The following WWOX variants were observed in gnomAD, a reference collection of about 807,000 sequenced individuals.
WWOX encodes the protein WW domain containing oxidoreductase.
In WWOX, 69 loss-of-function variants were observed where a neutral mutation model predicts 46.2. That is an observed-to-expected ratio of 1.49 (90% confidence interval 1.23 to 1.82). The LOEUF is 1.82. WWOX is among the 40% of genes most tolerant of loss of function. The probability of loss-of-function intolerance (pLI) is 0.00; values close to 1 mark genes in which losing one functional copy is unlikely to be tolerated. For missense variants in WWOX, 919 were observed against 542.6 expected (o/e 1.69, Z -6.89); for synonymous variants, 359 against 202.6 (o/e 1.77, Z -6.56).
intron 8 of WWOX, among the ~76,000 whole-genome samples, chr16:78,999,302 C>G (rs2047049361): frequency 6.6e-6 from 1 of 152,128 alleles, no homozygotes; most frequent in Admixed American, 6.5e-5. Flanking sequence ...GAAACCCCGT[C>G]TCTACTAAAA....
Position 78,439,809 on chromosome 16 carries a change from T to C in WWOX, c.1056+7057T>C, listed in dbSNP as rs532762093. Among the ~76,000 whole-genome samples, 3 of 152,340 alleles carry C rather than the reference T, an allele frequency of 2.0e-5. No individual in the cohort carries two copies. The South Asian group carries it at 6.2e-4, about 32-fold the overall frequency. On this transcript the variant is annotated intron_variant, in intron 8 of 8. Transcript: ENST00000566780. Reference sequence around the variant, plus strand: ...GGCTACTATATGAGTAGCTCCTTTGTGATAATCTTTACTTTTCCCTCATGC... The same window carrying C: ...GGCTACTATATGAGTAGCTCCTTTGCGATAATCTTTACTTTTCCCTCATGC...
intron 8 of WWOX, among the ~76,000 whole-genome samples, chr16:78,830,118 A>G (rs1415317808): frequency 6.6e-6 from 1 of 151,964 alleles, no homozygotes; most frequent in Non-Finnish European, 1.5e-5. Context: ...AATTTACATG[A>G]AAAAAAATAA....
At chr16:78,813,533 G>T (rs1272950971) in intron 8 of WWOX, among the ~76,000 whole-genome samples, 1 of 152,144 alleles carries the variant, frequency 6.6e-6, no homozygotes, top group African/African-American at 2.4e-5. Context: ...TGATTCTGTG[G>T]TGGTCTGGCT....
At chr16:78,690,021 C>A (rs969883988) in intron 8 of WWOX, among the ~76,000 whole-genome samples, 1 of 151,958 alleles carries the variant, frequency 6.6e-6, no homozygotes, top group Non-Finnish European at 1.5e-5. Flanking sequence ...CCCCCATGCC[C>A]AGCCAATTTT....
At chr16:78,737,924 G>A (rs1042353851) in intron 8 of WWOX, among the ~76,000 whole-genome samples, 1 of 152,052 alleles carries the variant, frequency 6.6e-6, no homozygotes, top group Non-Finnish European at 1.5e-5. Context: ...CCCTATATCA[G>A]TATTTATTGT....
In WWOX at chr16:79,211,754, C is replaced by G. The variant is rs201428060; in HGVS notation, c.1203C>G (p.Ser401Arg). 6 of 1,614,178 alleles carry G rather than the reference C, an allele frequency of 3.7e-6. No homozygotes were observed. The highest frequency in any genetic ancestry group is 1.3e-5 in the African/African-American group (1 of 75,074). The change falls in exon 9 of 9, where the codon AGC becomes AGG. Residue 401 changes from serine to arginine, a missense_variant. Ser to Arg is a moderately radical substitution (Grantham distance 110). Coordinates refer to ENST00000566780, the MANE Select transcript of WWOX (RefSeq NM_016373.4). The stretch of plus-strand genomic sequence containing the variant: ...CGGCCCGGACCCTGTGGGCGCTCAG[C>G]GAGAGGCTGATCCAAGAACGGCTTG... ...EETARTLWALSERLIQERLGS... is the reference protein window; with the variant it reads ...EETARTLWALRERLIQERLGS...
chr16:78,783,206 G>C (rs571021235), intron 8 of WWOX, among the ~76,000 whole-genome samples: 51 of 152,310 alleles, frequency 3.3e-4, no homozygotes, highest in African/African-American at 1.2e-3. Context: ...GGAGATACAT[G>C]CACCAGACTT....
At chr16:78,526,932 A>G (rs1044534979) in intron 8 of WWOX, among the ~76,000 whole-genome samples, 2 of 152,194 alleles carry the variant, frequency 1.3e-5, no homozygotes, top group African/African-American at 4.8e-5. Flanking sequence ...TGGGAGGCCG[A>G]GGCAGGTGGA....
intron 8 of WWOX, among the ~76,000 whole-genome samples, chr16:78,434,676 A>G (rs1472840482): frequency 6.6e-6 from 1 of 152,162 alleles, no homozygotes; most frequent in African/African-American, 2.4e-5. Context: ...GTGGCATCAG[A>G]GAGTTCGTTT....
At chr16:78,833,474 C>T (rs1041722868) in intron 8 of WWOX, among the ~76,000 whole-genome samples, 1 of 152,118 alleles carries the variant, frequency 6.6e-6, no homozygotes, top group Non-Finnish European at 1.5e-5. Flanking sequence ...CCTTCCTCAT[C>T]ATTGTCCTCT....
chr16:78,786,427 G>C (rs1408554586), intron 8 of WWOX, among the ~76,000 whole-genome samples: 1 of 152,146 alleles, frequency 6.6e-6, no homozygotes, highest in African/African-American at 2.4e-5. Flanking sequence ...GACTTCAAGA[G>C]CATAGGTAAC....
At chr16:78,428,765 C>T (rs1027039223) in intron 7 of WWOX, among the ~76,000 whole-genome samples, 5 of 152,120 alleles carry the variant, frequency 3.3e-5, no homozygotes, top group Admixed American at 3.3e-4. Flanking sequence ...ACCAGCTACT[C>T]AGGAAGCTGA....
intron 8 of WWOX, among the ~76,000 whole-genome samples, chr16:78,973,699 G>C (rs2046516418): frequency 6.6e-6 from 1 of 152,136 alleles, no homozygotes; most frequent in African/African-American, 2.4e-5. Context: ...AAAGTTTAAA[G>C]CTTGAGTTCA....
intron 1 of WWOX, among the ~76,000 whole-genome samples, chr16:78,104,632 G>T (rs73562747): frequency 0.011 from 1,650 of 152,190 alleles, 33 homozygotes; most frequent in African/African-American, 0.038. Flanking sequence ...TGACAAGCTC[G>T]TTGAAAGAAT....
At chr16:79,126,314 A>C (rs1405818248) in intron 8 of WWOX, among the ~76,000 whole-genome samples, 1 of 152,120 alleles carries the variant, frequency 6.6e-6, no homozygotes, top group African/African-American at 2.4e-5. Flanking sequence ...TGATCAAGTG[A>C]TATGATTTGG....
intron 4 of WWOX, among the ~76,000 whole-genome samples, chr16:78,150,358 C>G (rs1381915678): frequency 1.3e-5 from 2 of 152,142 alleles, no homozygotes; most frequent in Non-Finnish European, 2.9e-5. Context: ...TCTCCAAACC[C>G]TATCGTTTAG....
intron 8 of WWOX, among the ~76,000 whole-genome samples, chr16:78,557,443 T>C (rs1162952481): frequency 6.6e-6 from 1 of 152,078 alleles, no homozygotes; most frequent in African/African-American, 2.4e-5. Context: ...ATTCTAGGTG[T>C]TGGGGATACA....
intron 5 of WWOX, among the ~76,000 whole-genome samples, chr16:78,174,079 A>G (rs1429686043): frequency 2.0e-5 from 3 of 152,240 alleles, no homozygotes; most frequent in Admixed American, 6.5e-5. Context: ...CTACCATCAC[A>G]TGGGCAATTA....
chr16:78,371,414 A>C (rs944718420), intron 5 of WWOX, among the ~76,000 whole-genome samples: 32 of 152,220 alleles, frequency 2.1e-4, no homozygotes, highest in African/African-American at 7.7e-4. Flanking sequence ...GGTTAACTTC[A>C]ATAACGTATG....
Sources: allele counts gnomAD v4.1 joint callset (sites outside exome capture counted in the v4.1 genomes callset), GRCh38; gene constraint gnomAD v4.1.1; transcripts MANE v1.5; gene names NCBI Gene and HGNC (gene_info 2026-07-23, HGNC 2026-07-21).